Variants in RGS6 observed in about 807,000 individuals in gnomAD.
RGS6 encodes regulator of G protein signaling 6.
A neutral mutation model predicts 78.5 loss-of-function variants in RGS6; 30 were observed. The ratio of observed to expected loss-of-function variants is 0.38; its 90% CI spans 0.29 to 0.52. The LOEUF is 0.52. Ranked by LOEUF, RGS6 falls within the 20% of genes least tolerant of loss-of-function variation. The pLI is 0.85. For synonymous variants in RGS6, 206 were observed against 206.0 expected, an observed-to-expected ratio of 1.00 and a Z score of 0.00; for missense variants, 495 against 609.7, an observed-to-expected ratio of 0.81 and a Z score of 1.98.
intron 15 of RGS6, among the ~76,000 whole-genome samples, chr14:72,526,640 C>T (rs1031517162): frequency 6.9e-6 from 1 of 145,744 alleles, no homozygotes; most frequent in Non-Finnish European, 1.5e-5. Context: ...TGTGGAAACA[C>T]AGGGCTCCCA....
intron 2 of RGS6, among the ~76,000 whole-genome samples, chr14:72,201,019 G>A (rs957779635): frequency 1.9e-4 from 28 of 149,696 alleles, no homozygotes; most frequent in Middle Eastern, 3.4e-3. Flanking sequence ...TGTGTTGGGC[G>A]TAACCACAGC....
At chr14:71,990,962 C>T (rs551289092) in intron 2 of RGS6, 2 of 416,874 alleles carry the variant, frequency 4.8e-6, no homozygotes, top group African/African-American at 4.1e-5. Context: ...CTTTGACAGG[C>T]CTAATCACTC....
chr14:72,026,289 C>T (rs865801498), intron 2 of RGS6, among the ~76,000 whole-genome samples: 26 of 152,190 alleles, frequency 1.7e-4, no homozygotes, highest in Non-Finnish European at 3.1e-4. Context: ...TGTCTGTAAT[C>T]CCAGCTACTG....
intron 2 of RGS6, among the ~76,000 whole-genome samples, chr14:72,084,058 A>C (rs1262847627): frequency 1.3e-5 from 2 of 152,210 alleles, no homozygotes; most frequent in Non-Finnish European, 2.9e-5. Flanking sequence ...TGGAAATAAT[A>C]ATATCCTAGA....
chr14:72,222,492 C>T (rs1026000658), intron 2 of RGS6, among the ~76,000 whole-genome samples: 1 of 152,206 alleles, frequency 6.6e-6, no homozygotes, highest in Non-Finnish European at 1.5e-5. Flanking sequence ...TTCCCATCTT[C>T]CTGGAGTCAA....
chr14:72,355,809 C>G (rs1280471530), intron 3 of RGS6, among the ~76,000 whole-genome samples: 2 of 152,106 alleles, frequency 1.3e-5, no homozygotes, highest in Non-Finnish European at 2.9e-5. Flanking sequence ...GGGATTGAAT[C>G]ATATGGATAT....
chr14:72,311,983 A>G (rs2068733627), intron 2 of RGS6, among the ~76,000 whole-genome samples: 3 of 152,244 alleles, frequency 2.0e-5, no homozygotes, highest in Non-Finnish European at 4.4e-5. Flanking sequence ...AGGCCCCAGC[A>G]GAAAACTCCA....
At chr14:72,152,470 G>C (rs1347552095) in intron 2 of RGS6, among the ~76,000 whole-genome samples, 2 of 152,154 alleles carry the variant, frequency 1.3e-5, no homozygotes, top group African/African-American at 2.4e-5. Flanking sequence ...CAGGGCTGTG[G>C]GGCAGCAATT....
intron 2 of RGS6, among the ~76,000 whole-genome samples, chr14:72,164,482 G>C (rs2096897752): frequency 6.6e-6 from 1 of 152,200 alleles, no homozygotes; most frequent in South Asian, 2.1e-4. Context: ...CCTGGAGTTT[G>C]TTGTTGGAGA....
At chr14:72,609,481 A>T in the RGS6 span, among the ~76,000 whole-genome samples, 3 of 152,188 alleles carry the variant, frequency 2.0e-5, no homozygotes, top group Admixed American at 1.3e-4. Flanking sequence ...TCCCCTTAGG[A>T]TGGCAGAAGA....
intron 2 of RGS6, among the ~76,000 whole-genome samples, chr14:72,146,325 T>G (rs1307147893): frequency 6.6e-6 from 1 of 152,332 alleles, no homozygotes; most frequent in African/African-American, 2.4e-5. Context: ...CACATTCAAA[T>G]CATAGCATTC....
chr14:72,377,945 C>A (rs546021284), intron 3 of RGS6, among the ~76,000 whole-genome samples: 1 of 152,228 alleles, frequency 6.6e-6, no homozygotes, highest in East Asian at 1.9e-4. Context: ...GATCATGCCT[C>A]TGCACTCCAT....
At chr14:72,241,366 G>A (rs970806509) in intron 2 of RGS6, among the ~76,000 whole-genome samples, 1 of 152,098 alleles carries the variant, frequency 6.6e-6, no homozygotes, top group Admixed American at 6.5e-5. Context: ...TCTGTCTTCT[G>A]ATCCAGCTCT....
At chr14:72,044,447 G>A (rs934809788) in intron 2 of RGS6, among the ~76,000 whole-genome samples, 3 of 152,106 alleles carry the variant, frequency 2.0e-5, no homozygotes. Context: ...AAAAGGGAGA[G>A]GAGAAATGAA....
the RGS6 span, among the ~76,000 whole-genome samples, chr14:71,921,045 C>T: frequency 0.14 from 21,714 of 152,056 alleles, 2,049 homozygotes; most frequent in Non-Finnish European, 0.21. Flanking sequence ...GGCAAAGGAC[C>T]TGAGTAGGAC....
At chr14:72,050,172 TATATAAG>T (rs1326846908) in intron 2 of RGS6, among the ~76,000 whole-genome samples, 2 of 152,200 alleles carry the variant, frequency 1.3e-5, no homozygotes, top group African/African-American at 4.8e-5. Context: ...TAATTGATGG[TATATAAG>T]AAAAAAGAAA....
intron 3 of RGS6, among the ~76,000 whole-genome samples, chr14:72,387,019 G>C (rs773616190): frequency 1.6e-4 from 25 of 152,020 alleles, no homozygotes; most frequent in Non-Finnish European, 2.1e-4. Context: ...GCTGTATACG[G>C]TTACCAACAC....
intron 17 of RGS6, among the ~76,000 whole-genome samples, chr14:72,556,730 C>G (rs971196345): frequency 2.0e-5 from 3 of 151,440 alleles, no homozygotes; most frequent in African/African-American, 7.3e-5. Flanking sequence ...AAATCCATTA[C>G]GTTTATTTTG....
intron 2 of RGS6, among the ~76,000 whole-genome samples, chr14:72,327,641 C>T (rs1001500490): frequency 6.6e-6 from 1 of 152,142 alleles, no homozygotes; most frequent in African/African-American, 2.4e-5. Flanking sequence ...ATTCACCAGT[C>T]CTTGGCACGA....
Sources: allele counts gnomAD v4.1 joint callset (sites outside exome capture counted in the v4.1 genomes callset), GRCh38; gene constraint gnomAD v4.1.1; transcripts MANE v1.5; gene names NCBI Gene and HGNC (gene_info 2026-07-23, HGNC 2026-07-21).